The following FOXP2 variants were observed in gnomAD, a reference collection of about 807,000 sequenced individuals.
FOXP2 encodes the protein forkhead box P2.
Under a neutral mutation model 115.8 loss-of-function variants are expected in FOXP2, and 12 were observed. The ratio of observed to expected loss-of-function variants is 0.10; its 90% CI spans 0.07 to 0.17. FOXP2 has a LOEUF of 0.17. Ranked by LOEUF, FOXP2 falls within the 10% of genes least tolerant of loss-of-function variation. FOXP2 has a pLI of 1.00. For synonymous variants in FOXP2, 328 were observed against 297.7 expected (o/e 1.10, Z -1.05); for missense variants, 629 against 843.5 (o/e 0.75, Z 3.15).
intron 2 of FOXP2, among the ~76,000 whole-genome samples, chr7:114,378,178 G>A (rs990787482): frequency 3.9e-5 from 6 of 152,154 alleles, no homozygotes; most frequent in Non-Finnish European, 8.8e-5. Context: ...CTGTGGCAGA[G>A]AGGTCTGACT....
intron 2 of FOXP2, among the ~76,000 whole-genome samples, chr7:114,446,643 G>A (rs546821393): frequency 6.6e-6 from 1 of 151,970 alleles, no homozygotes; most frequent in South Asian, 2.1e-4. Flanking sequence ...AGATATGCCA[G>A]TAAACCCATC....
chr7:114,424,449 T>C (rs1793750618), intron 1 of FOXP2, among the ~76,000 whole-genome samples: 2 of 151,454 alleles, frequency 1.3e-5, no homozygotes, highest in South Asian at 4.1e-4. Context: ...AAAAGTAAAA[T>C]TTAAATGCAA....
intron 1 of FOXP2, among the ~76,000 whole-genome samples, chr7:114,231,931 A>C (rs1479707830): frequency 6.6e-6 from 1 of 152,224 alleles, no homozygotes; most frequent in Non-Finnish European, 1.5e-5. Flanking sequence ...GGCAGCCTAC[A>C]GAGTGGTAGA....
intron 2 of FOXP2, among the ~76,000 whole-genome samples, chr7:114,454,397 A>G (rs1240869146): frequency 6.6e-6 from 1 of 152,028 alleles, no homozygotes; most frequent in African/African-American, 2.4e-5. Context: ...GTGGAGAAAT[A>G]GGAACACTTT....
At chr7:114,147,663 A>G (rs1792413802) in intron 1 of FOXP2, among the ~76,000 whole-genome samples, 1 of 152,210 alleles carries the variant, frequency 6.6e-6, no homozygotes, top group African/African-American at 2.4e-5. Flanking sequence ...ATACTAGTCT[A>G]TAAAGCCAAA....
chr7:114,239,026 T>A (rs913179580), intron 1 of FOXP2, among the ~76,000 whole-genome samples: 14 of 148,014 alleles, frequency 9.5e-5, no homozygotes, highest in South Asian at 2.1e-4. Context: ...GAAACAGCAT[T>A]CACGTTTCAG....
At chr7:114,211,746 AG>A (rs1794356491) in intron 1 of FOXP2, among the ~76,000 whole-genome samples, 1 of 152,188 alleles carries the variant, frequency 6.6e-6, no homozygotes, top group South Asian at 2.1e-4. Flanking sequence ...TACCTAAGAG[AG>A]GAAGAACTGG....
intron 3 of FOXP2, among the ~76,000 whole-genome samples, chr7:114,596,425 A>G (rs1802712209): frequency 6.6e-6 from 1 of 152,084 alleles, no homozygotes; most frequent in Non-Finnish European, 1.5e-5. Context: ...GAAAATATCT[A>G]GAAAGTCAGG....
intron 2 of FOXP2, among the ~76,000 whole-genome samples, chr7:114,488,112 C>T (rs73436134): frequency 0.062 from 9,492 of 152,042 alleles, 930 homozygotes; most frequent in African/African-American, 0.21. Context: ...CTCACAATTA[C>T]GGTGGAAGGC....
At chr7:114,339,822 T>A (rs2129184144) in intron 2 of FOXP2, among the ~76,000 whole-genome samples, 1 of 151,304 alleles carries the variant, frequency 6.6e-6, no homozygotes, top group South Asian at 2.1e-4. Flanking sequence ...AAGATACAGT[T>A]TTTTTATGAT....
chr7:114,592,017 G>A (rs1331242976), intron 3 of FOXP2, among the ~76,000 whole-genome samples: 1 of 152,008 alleles, frequency 6.6e-6, no homozygotes, highest in Non-Finnish European at 1.5e-5. Flanking sequence ...TACTGTATTG[G>A]ATCACATAGT....
At chr7:114,589,691 T>C (rs1023087364) in intron 3 of FOXP2, among the ~76,000 whole-genome samples, 7 of 152,130 alleles carry the variant, frequency 4.6e-5, no homozygotes, top group African/African-American at 1.7e-4. Context: ...GAGGAGTAGG[T>C]GATTTACCAG....
chr7:114,450,506 T>C (rs1795026753), intron 2 of FOXP2, among the ~76,000 whole-genome samples: 1 of 152,106 alleles, frequency 6.6e-6, no homozygotes, highest in Admixed American at 6.6e-5. Context: ...CAAGCAGCAT[T>C]GTGGTATTCT....
intron 1 of FOXP2, among the ~76,000 whole-genome samples, chr7:114,260,547 G>T (rs895732502): frequency 6.6e-6 from 1 of 151,896 alleles, no homozygotes; most frequent in African/African-American, 2.4e-5. Context: ...AAATTGGACT[G>T]AATAGACTGT....
At chr7:114,385,614 C>G (rs544207509) in intron 2 of FOXP2, among the ~76,000 whole-genome samples, 2 of 152,298 alleles carry the variant, frequency 1.3e-5, no homozygotes, top group Admixed American at 6.5e-5. Context: ...CCCAGATAGC[C>G]TCACACCTGA....
intron 1 of FOXP2, among the ~76,000 whole-genome samples, chr7:114,423,843 A>G (rs193029035): frequency 6.6e-6 from 1 of 151,688 alleles, no homozygotes; most frequent in Non-Finnish European, 1.5e-5. Flanking sequence ...TTCCTCCTTT[A>G]TAGTGAACAT....
In FOXP2 at chr7:114,643,488, G is replaced by C. The variant is rs187881412; in HGVS notation, c.989+865G>C. On this transcript the variant is annotated intron_variant, in intron 7 of 16. Coordinates refer to ENST00000350908, the MANE Select transcript of FOXP2 (RefSeq NM_014491.4). ...AAGATAAATATGTTGGTAATTTTAT[G>C]ATTAAATTCAACTAAACTTTCAAAG... Among the ~76,000 whole-genome samples, 300 of 152,110 alleles carry C rather than the reference G, an allele frequency of 2.0e-3. 4 individuals carry two copies. Among genetic ancestry groups the C allele is most frequent in the African/African-American group, 6.8e-3 (282 of 41,536 alleles).
chr7:114,464,723 A>G (rs931654034), intron 2 of FOXP2, among the ~76,000 whole-genome samples: 3 of 152,230 alleles, frequency 2.0e-5, no homozygotes, highest in African/African-American at 7.2e-5. Flanking sequence ...GCAATTCAAG[A>G]AAAACAAAAA....
chr7:114,628,863 T>A (rs531568284), intron 4 of FOXP2, 186 bp downstream of exon 4: 571 of 673,262 alleles, frequency 8.5e-4, no homozygotes, highest in African/African-American at 2.1e-3. Flanking sequence ...CTTATTTTTT[T>A]AAAAAAATTA....
Sources: gnomAD v4.1 joint callset for allele counts (sites outside exome capture counted in the v4.1 genomes callset) on GRCh38, gnomAD v4.1.1 for gene constraint, MANE v1.5 for transcripts, NCBI Gene and HGNC (gene_info 2026-07-23, HGNC 2026-07-21) for gene names.